Variants in SPINK13 observed in about 807,000 individuals in gnomAD.
SPINK13 encodes the protein serine protease inhibitor Kazal-type 13.
Under a neutral mutation model 11.0 loss-of-function variants are expected in SPINK13, and 11 were observed. The ratio of observed to expected loss-of-function variants is 1.00; its 90% CI spans 0.63 to 1.65. The LOEUF (loss-of-function observed/expected upper bound fraction) is 1.65. Ranked by LOEUF, SPINK13 falls within the 40% of genes most tolerant of loss-of-function variation. The pLI is 0.00. For missense variants in SPINK13, 113 were observed against 117.7 expected (o/e 0.96, Z 0.19); for synonymous variants, 31 against 35.6 (o/e 0.87, Z 0.46).
At chr5:148,285,645 A>G (rs1432691) in intron 4 of SPINK13, among the ~76,000 whole-genome samples, 18,343 of 152,168 alleles carry the variant, frequency 0.12, 3,020 homozygotes, top group African/African-American at 0.36. Context: ...AGCACAGAGC[A>G]AATTGCGTGA....
Position 148,282,209 on chromosome 5 carries a change from T to A in SPINK13, c.214T>A (p.Cys72Ser). Residue 72 changes from cysteine (C) to serine (S), a missense_variant, in exon 4 of 5, where the codon TGT becomes AGT. Transcript: ENST00000398450. Reference sequence around the variant, plus strand: ...AAATGGCCACACTTTCCAGAATGAGTGTTTCTTTTGTGTTGAACAGAGGTA... The same window carrying A: ...AAATGGCCACACTTTCCAGAATGAGAGTTTCTTTTGTGTTGAACAGAGGTA... ...ASNGHTFQNE[C>S]FFCVEQREFH... is the part of the protein sequence containing the mutation. The A allele has an allele frequency of 6.2e-7, 1 of 1,614,210 alleles. No individual in the cohort carries two copies. The highest frequency in any genetic ancestry group is 8.5e-7 in the Non-Finnish European group (1 of 1,180,034).
chr5:148,270,448 T>C (rs1017946061), intron 2 of SPINK13, among the ~76,000 whole-genome samples: 4 of 152,178 alleles, frequency 2.6e-5, no homozygotes, highest in African/African-American at 9.6e-5. Context: ...GAAAAAATGA[T>C]GCATTTTCTT....
At chr5:148,277,836 T>A (rs1045138208) in intron 3 of SPINK13, among the ~76,000 whole-genome samples, 19 of 152,196 alleles carry the variant, frequency 1.2e-4, no homozygotes, top group Admixed American at 1.2e-3. Context: ...TGGAATAGTT[T>A]CAGAAGGAAT....
chr5:148,278,389 T>C (rs914593553), intron 3 of SPINK13, among the ~76,000 whole-genome samples: 1 of 152,222 alleles, frequency 6.6e-6, no homozygotes, highest in African/African-American at 2.4e-5. Context: ...TCTTTCCCAC[T>C]TTCTCCTGTG....
At chr5:148,277,583 G>T (rs1202455547) in intron 3 of SPINK13, among the ~76,000 whole-genome samples, 1 of 152,180 alleles carries the variant, frequency 6.6e-6, no homozygotes, top group Non-Finnish European at 1.5e-5. Flanking sequence ...TGTGTTTATT[G>T]ATTTGCATAT....
chr5:148,285,928 A>C lies in SPINK13; in HGVS notation c.237-72A>C, dbSNP rs1423819850. 6 of 890,510 alleles carry C rather than the reference A, an allele frequency of 6.7e-6. No homozygotes were observed. The African/African-American group carries it at 1.1e-4, about 16-fold the overall frequency. The allele number at this position is 890,510 out of a possible 1,614,324, so 55.2% of individuals were successfully genotyped here. ...TTTTCAGGACCTCTTTTAGAAGATA[A>C]GGAAAAGTACATTCAATACCAATGT... On this transcript the variant is annotated intron_variant, in intron 4 of 4. Transcript: ENST00000398450.
intron 3 of SPINK13, among the ~76,000 whole-genome samples, chr5:148,278,851 C>CTAATAT (rs1244976606): frequency 6.6e-6 from 1 of 151,280 alleles, no homozygotes; most frequent in Non-Finnish European, 1.5e-5. Flanking sequence ...ATCAATCTAT[C>CTAATAT]TGACAGTGGG....
At chr5:148,275,309 T>G (rs928856336) in intron 3 of SPINK13, among the ~76,000 whole-genome samples, 3 of 152,216 alleles carry the variant, frequency 2.0e-5, no homozygotes, top group South Asian at 2.1e-4. Flanking sequence ...GCAAAGGACA[T>G]GAACTCATTC....
chr5:148,271,569 T>C (rs1756350843), intron 2 of SPINK13, among the ~76,000 whole-genome samples: 1 of 152,162 alleles, frequency 6.6e-6, no homozygotes, highest in Non-Finnish European at 1.5e-5. Context: ...TTTATACACA[T>C]CATGGAAAAT....
At chr5:148,274,295 T>G in intron 2 of SPINK13, 52 bp from the exon 3 acceptor site, 2 of 1,354,908 alleles carry the variant, frequency 1.5e-6, no homozygotes, top group Admixed American at 1.7e-5. Context: ...TGATGTTATA[T>G]CCCATGGAGA....
intron 3 of SPINK13, among the ~76,000 whole-genome samples, chr5:148,277,036 C>A (rs1299479068): frequency 6.6e-6 from 1 of 152,132 alleles, no homozygotes; most frequent in African/African-American, 2.4e-5. Context: ...CTCTTTTTAG[C>A]AATTGTGAAT....
At chr5:148,277,441 GATACATTCA>G (rs1385468476) in intron 3 of SPINK13, among the ~76,000 whole-genome samples, 2 of 152,114 alleles carry the variant, frequency 1.3e-5, no homozygotes, top group African/African-American at 2.4e-5. Context: ...ATTATTTTGA[GATACATTCA>G]ATCAATACCT....
chr5:148,280,024 C>A (rs1443242157), intron 3 of SPINK13, among the ~76,000 whole-genome samples: 1 of 152,038 alleles, frequency 6.6e-6, no homozygotes, highest in African/African-American at 2.4e-5. Context: ...CACTTTATTT[C>A]ATTAAGTTGA....
At chr5:148,285,160 A>T (rs1324394192) in intron 4 of SPINK13, among the ~76,000 whole-genome samples, 1 of 152,172 alleles carries the variant, frequency 6.6e-6, no homozygotes, top group Non-Finnish European at 1.5e-5. Context: ...TCAAATGGAG[A>T]TCATGTGTTC....
intron 2 of SPINK13, among the ~76,000 whole-genome samples, chr5:148,273,847 G>A (rs925990890): frequency 2.0e-5 from 3 of 152,242 alleles, no homozygotes; most frequent in South Asian, 4.1e-4. Flanking sequence ...GGCAACACCA[G>A]CACCCCTCAT....
chr5:148,276,714 C>T (rs1442780203), intron 3 of SPINK13, among the ~76,000 whole-genome samples: 2 of 152,046 alleles, frequency 1.3e-5, no homozygotes, highest in African/African-American at 4.8e-5. Context: ...TAGCGTGATG[C>T]CTCTAGATTT....
chr5:148,270,301 A>T (rs1430761477), intron 2 of SPINK13, among the ~76,000 whole-genome samples, 159 bp downstream of exon 2: 1 of 152,240 alleles, frequency 6.6e-6, no homozygotes, highest in East Asian at 1.9e-4. Flanking sequence ...CTTAAATAGA[A>T]AAACCAGACT....
intron 3 of SPINK13, among the ~76,000 whole-genome samples, chr5:148,281,678 C>A (rs1329625194): frequency 6.6e-6 from 1 of 152,188 alleles, no homozygotes; most frequent in Admixed American, 6.5e-5. Context: ...AGAAATCACC[C>A]ACCTTCTGCA....
intron 3 of SPINK13, 91 bp downstream of exon 3, chr5:148,274,475 C>A: frequency 9.4e-7 from 1 of 1,061,130 alleles, no homozygotes; most frequent in South Asian, 1.5e-5. Flanking sequence ...AAGTCAGGCA[C>A]AGTGGCTCAT....
Sources: gnomAD v4.1 joint callset for allele counts (sites outside exome capture counted in the v4.1 genomes callset) on GRCh38, gnomAD v4.1.1 for gene constraint, MANE v1.5 for transcripts, NCBI Gene and HGNC (gene_info 2026-07-23, HGNC 2026-07-21) for gene names.